The following EP400 variants were observed in gnomAD, a reference collection of about 807,000 sequenced individuals.
The protein encoded by EP400 is E1A binding protein p400.
Under a neutral mutation model 354.1 loss-of-function variants are expected in EP400, and 105 were observed. The ratio of observed to expected loss-of-function variants is 0.30; its 90% CI spans 0.25 to 0.35. The LOEUF (loss-of-function observed/expected upper bound fraction) is 0.35. EP400 is among the 10% of genes least tolerant of loss of function. The pLI is 1.00. For synonymous variants in EP400, 1,646 were observed against 1,716.9 expected, an observed-to-expected ratio of 0.96 and a Z score of 1.02; for missense variants, 3,280 against 4,121.0, an observed-to-expected ratio of 0.80 and a Z score of 5.59.
intron 51 of EP400, among the ~76,000 whole-genome samples, chr12:132,074,056 C>T (rs1896152856): frequency 6.7e-6 from 1 of 148,590 alleles, no homozygotes; most frequent in Admixed American, 6.7e-5. Context: ...TCCCGAGTAG[C>T]TGGGACTACA....
chr12:131,965,992 A>G (rs1195991109), intron 2 of EP400, among the ~76,000 whole-genome samples: 1 of 151,720 alleles, frequency 6.6e-6, no homozygotes, highest in Admixed American at 6.6e-5. Flanking sequence ...GGAGTCAAAG[A>G]GTCTCTCTGA....
intron 51 of EP400, among the ~76,000 whole-genome samples, chr12:132,069,875 G>A (rs953583846): frequency 6.6e-6 from 1 of 152,162 alleles, no homozygotes; most frequent in Non-Finnish European, 1.5e-5. Flanking sequence ...TCTGGACGTC[G>A]ATCTCCAGCT....
chr12:131,981,997 C>A, intron 4 of EP400, 96 bp from the exon 5 acceptor site: 1 of 1,444,936 alleles, frequency 6.9e-7, no homozygotes. Context: ...GGGTCTTGGA[C>A]AAGCACTGGG....
In EP400 at chr12:132,053,581, G is replaced by A. The variant is rs1271132551; in HGVS notation, c.7712G>A (p.Gly2571Asp). Residue 2571 changes from glycine (G) to aspartate (D), a missense_variant, in exon 43 of 53, where the codon GGC becomes GAC. Around this residue, in one of 20 missense-constraint regions of EP400, gnomAD observed 255 missense variants for 295.9 expected, o/e 0.86. Transcript: ENST00000389561. ...GCGCAGCCCGCAATCACGACGGGGG[G>A]CAGTGCAGCCGTACTGGTGAGCAGG... The part of the protein sequence containing the change: ...AKAQPAITTG[G>D]SAAVLAGTIK... 6.4e-7 allele frequency: 1 copy of A among 1,563,530 alleles called. No homozygotes were observed. Among genetic ancestry groups the A allele is most frequent in the Non-Finnish European group, 8.6e-7 (1 of 1,160,720 alleles).
chr12:132,055,754 A>ATGTG lies in EP400; in HGVS notation c.7884+561_7884+564dup, dbSNP rs373252803. Among the ~76,000 whole-genome samples, 12 of 136,548 alleles carry ATGTG rather than the reference A, an allele frequency of 8.8e-5. No homozygotes were observed. The Middle Eastern group carries it at 0.013, about 146-fold the overall frequency. 89.6% of individuals were successfully genotyped at this position (136,548 alleles called of 152,430 possible). On this transcript the variant is annotated intron_variant, in intron 45 of 52. Transcript: ENST00000389561. ...GTGTGTGTGTGAAGTGTAGGAGGGT[A>ATGTG]TGTGTGTGTGTGTGTGTGAACTGTC...
At position 131,991,588 on chromosome 12, in the gene EP400, T is replaced by TG. The variant is rs1400045317; in HGVS notation, c.2679+132_2679+133insG. 4.5e-6 allele frequency: 4 copies of TG among 894,014 alleles called. No homozygotes were observed. The African/African-American group carries it at 5.1e-5, about 11-fold the overall frequency. The allele number at this position is 894,014 out of a possible 1,614,324, so 55.4% of individuals were successfully genotyped here. ...CTTCCTTTCTTTTCTTTTTTTTTTT[T>TG]TTTTGTTTTAGAGACAGAGTCTTGC... On this transcript the variant is annotated intron_variant, in intron 10 of 52. Coordinates refer to ENST00000389561, the MANE Select transcript of EP400 (RefSeq NM_015409.5).
rs531217914 is a variant in EP400 at position 131,994,054 on chromosome 12, G to A, written c.2738-813G>A. Among the ~76,000 whole-genome samples the A allele has an allele frequency of 1.3e-5, 2 of 152,310 alleles. No homozygotes were observed. Among genetic ancestry groups the A allele is most frequent in the East Asian group, 3.9e-4 (2 of 5,178 alleles). ...GAATGGCAGAAGGCGTTTCCAAGAG[G>A]AGGGGATGGCCAGGCCTGTCGTGAG... On this transcript the variant is annotated intron_variant, in intron 11 of 52. Coordinates refer to ENST00000389561, the MANE Select transcript of EP400 (RefSeq NM_015409.5). The surrounding 1 kb of genome is among the most constrained non-coding windows in gnomAD (Gnocchi z 4.6).
At position 132,017,833 on chromosome 12, in the gene EP400, T is replaced by G; in HGVS notation, c.4110+112T>G. ...TCAACCAGCTCTTCTGCAATTGCAA[T>G]TGCAGCTCCGCGATACATGGCACCG... On this transcript the variant is annotated intron_variant, in intron 20 of 52. Transcript: ENST00000389561. The surrounding 1 kb of genome is among the most constrained non-coding windows in gnomAD (Gnocchi z 5.0). 2 of 1,202,894 alleles carry G rather than the reference T, an allele frequency of 1.7e-6. No homozygotes were observed. Among genetic ancestry groups the G allele is most frequent in the Non-Finnish European group, 2.3e-6 (2 of 882,880 alleles). The allele number at this position is 1,202,894 out of a possible 1,614,324, so 74.5% of individuals were successfully genotyped here.
At chr12:131,959,888 C>T (rs1891818822) in intron 1 of EP400, among the ~76,000 whole-genome samples, 1 of 152,200 alleles carries the variant, frequency 6.6e-6, no homozygotes, top group Non-Finnish European at 1.5e-5. Flanking sequence ...GCAGTAGCCC[C>T]GGGCCTGACA....
At chr12:131,977,071 C>T (rs1421178325) in intron 2 of EP400, among the ~76,000 whole-genome samples, 1 of 152,144 alleles carries the variant, frequency 6.6e-6, no homozygotes, top group Non-Finnish European at 1.5e-5. Context: ...ACTGGCCTAC[C>T]TTTTCATATT....
In EP400 at chr12:132,054,693, G is replaced by A. The variant is rs898148932; in HGVS notation, c.7729-281G>A. ...GAGGGACAGAGGGTGGATGAATGGA[G>A]TGGAGGGACGGAGGAGTGGAGGGAC... is the stretch of plus-strand genomic sequence containing the variant. On this transcript the variant is annotated intron_variant, in intron 43 of 52. Coordinates refer to ENST00000389561, the MANE Select transcript of EP400 (RefSeq NM_015409.5). This position sits in a 1 kb window ranked among gnomAD's most constrained non-coding sequence, Gnocchi z 4.0. Among the ~76,000 whole-genome samples the A allele has an allele frequency of 6.6e-5, 10 of 152,056 alleles. No homozygotes were observed. The highest frequency in any genetic ancestry group is 1.2e-4 in the Non-Finnish European group (8 of 67,984).
chr12:131,990,239 T>C lies in EP400; in HGVS notation c.2550+135T>C, dbSNP rs1892987982. 1.9e-6 allele frequency: 2 copies of C among 1,054,288 alleles called. No individual in the cohort carries two copies. The highest frequency in any genetic ancestry group is 2.5e-5 in the Admixed American group (1 of 39,778). 65.3% of individuals were successfully genotyped at this position (1,054,288 alleles called of 1,614,324 possible). ...AGAGTCAGCAACGTGTGCACTCTCC[T>C]GGGCTGTTGCTTGTTGGCCTTTGAA... On this transcript the variant is annotated intron_variant, in intron 8 of 52. Transcript: ENST00000389561. The surrounding 1 kb of genome is among the most constrained non-coding windows in gnomAD (Gnocchi z 4.2).
In EP400 at chr12:132,067,318, C is replaced by A; in HGVS notation, c.8750-44C>A. On this transcript the variant is annotated intron_variant, in intron 49 of 52. Transcript: ENST00000389561. The surrounding 1 kb of genome is among the most constrained non-coding windows in gnomAD (Gnocchi z 5.3). ...AACAGAGCTTGGCGTGAGCCTCAAGCTCTTTTCCCAGTGTGCTGACTAAGG... is the reference window on the plus strand; with the variant it reads ...AACAGAGCTTGGCGTGAGCCTCAAGATCTTTTCCCAGTGTGCTGACTAAGG... The A allele has an allele frequency of 6.3e-7, 1 of 1,596,248 alleles. No homozygotes were observed. The highest frequency in any genetic ancestry group is 1.7e-5 in the Admixed American group (1 of 58,146).
intron 45 of EP400, among the ~76,000 whole-genome samples, chr12:132,056,767 T>C (rs1202837945): frequency 1.3e-5 from 2 of 152,220 alleles, no homozygotes; most frequent in African/African-American, 4.8e-5. Flanking sequence ...AATTAAGGAC[T>C]TCTGCTCCTT....
intron 1 of EP400, among the ~76,000 whole-genome samples, chr12:131,959,544 C>T (rs756863083): frequency 3.5e-4 from 53 of 152,232 alleles, no homozygotes; most frequent in Admixed American, 1.0e-3. Context: ...GCCCCTTCTG[C>T]TCCTCCCCTG....
At chr12:132,062,808 A>G in intron 47 of EP400, 107 bp downstream of exon 47, 1 of 1,409,966 alleles carries the variant, frequency 7.1e-7, no homozygotes. Flanking sequence ...TGTATTTTGC[A>G]AACGTCTAGC....
chr12:131,950,636 A>C (rs879286386), intron 1 of EP400, among the ~76,000 whole-genome samples: 1 of 152,120 alleles, frequency 6.6e-6, no homozygotes, highest in Non-Finnish European at 1.5e-5. Flanking sequence ...TCCACGGCGG[A>C]GCCTTAGTAA....
chr12:132,051,742 C>T lies in EP400; in HGVS notation c.7394+1087C>T, dbSNP rs191324436. ...AGACGGTTAGGCCTCCGGATAACTG[C>T]GGGCGGGCCTGACTAATGTCAGGCC... On this transcript the variant is annotated intron_variant, in intron 41 of 52. Transcript: ENST00000389561. 3.5e-3 allele frequency among the ~76,000 whole-genome samples: 530 copies of T among 152,086 alleles called. 3 individuals are homozygous for T. Among genetic ancestry groups the T allele is most frequent in the Non-Finnish European group, 6.4e-3 (436 of 67,962 alleles).
At position 132,018,078 on chromosome 12, in the gene EP400, C is replaced by A; in HGVS notation, c.4111-132C>A. The stretch of plus-strand genomic sequence containing the variant: ...GTGTATTGGCACGGAGGAGGGTCTG[C>A]TTGCCGAGTGGCCGTTAGAGGGGGC... On this transcript the variant is annotated intron_variant, in intron 20 of 52. Coordinates refer to ENST00000389561, the MANE Select transcript of EP400 (RefSeq NM_015409.5). The surrounding 1 kb of genome is among the most constrained non-coding windows in gnomAD (Gnocchi z 4.0). The A allele has an allele frequency of 2.7e-6, 3 of 1,112,152 alleles. No homozygotes were observed. Among genetic ancestry groups the A allele is most frequent in the Non-Finnish European group, 3.9e-6 (3 of 774,306 alleles). The allele number at this position is 1,112,152 out of a possible 1,614,324, so 68.9% of individuals were successfully genotyped here. A position where few individuals can be genotyped will look rare whatever the true frequency, so the allele number is the denominator to read the frequency against.
Sources: gnomAD v4.1 joint callset for allele counts (sites outside exome capture counted in the v4.1 genomes callset) on GRCh38, gnomAD v4.1.1 for gene constraint, gnomAD v4.1.1 regional missense constraint, Gnocchi (gnomAD v3.1) non-coding constraint, MANE v1.5 for transcripts, NCBI Gene and HGNC (gene_info 2026-07-23, HGNC 2026-07-21) for gene names.